The following C1orf87 variants were observed in gnomAD, a reference collection of about 807,000 sequenced individuals.
C1orf87 encodes chromosome 1 open reading frame 87, also known as uncharacterized protein C1orf87.
A neutral mutation model predicts 60.5 loss-of-function variants in C1orf87; 58 were observed. The ratio of observed to expected loss-of-function variants is 0.96; its 90% CI spans 0.78 to 1.19. The LOEUF (loss-of-function observed/expected upper bound fraction) is 1.19. Ranked by LOEUF, C1orf87 falls within the 50% of genes most tolerant of loss-of-function variation. C1orf87 has a pLI of 0.00. For synonymous variants in C1orf87, 236 were observed against 227.4 expected, an observed-to-expected ratio of 1.04 and a Z score of -0.34; for missense variants, 673 against 638.6, an observed-to-expected ratio of 1.05 and a Z score of -0.58.
Position 60,012,500 on chromosome 1 carries a change from G to A in C1orf87, c.1128-2044C>T, listed in dbSNP as rs1930743. On this transcript the variant is annotated intron_variant, in intron 8 of 11. Coordinates refer to ENST00000371201, the MANE Select transcript of C1orf87 (RefSeq NM_152377.3). Reference sequence around the variant, plus strand: ...TAACAAAATATTTCTTTTCTCCCACGTTCTTTACATTACCCCCAAGACCTT... The same window carrying A: ...TAACAAAATATTTCTTTTCTCCCACATTCTTTACATTACCCCCAAGACCTT... Among the ~76,000 whole-genome samples the A allele has an allele frequency of 6.2e-3, 948 of 152,024 alleles. 2 individuals are homozygous for A. Among genetic ancestry groups the A allele is most frequent in the African/African-American group, 0.02 (832 of 41,498 alleles).
chr1:60,011,631 A>G (rs1427828804), intron 8 of C1orf87, among the ~76,000 whole-genome samples: 3 of 152,040 alleles, frequency 2.0e-5, no homozygotes, highest in Non-Finnish European at 4.4e-5. Flanking sequence ...ATCTTTCTCC[A>G]TCTTGTCCAT....
intron 2 of C1orf87, among the ~76,000 whole-genome samples, chr1:60,068,213 C>T (rs975988425): frequency 1.4e-4 from 21 of 152,090 alleles, no homozygotes; most frequent in African/African-American, 5.1e-4. Flanking sequence ...GTCTGAATAC[C>T]CTTGACTCAT....
intron 2 of C1orf87, among the ~76,000 whole-genome samples, chr1:60,064,781 A>T (rs1645528263): frequency 1.1e-5 from 1 of 93,870 alleles, no homozygotes; most frequent in Non-Finnish European, 1.9e-5. Context: ...TTTAATATAT[A>T]AATATATATT....
intron 7 of C1orf87, among the ~76,000 whole-genome samples, chr1:60,027,326 C>T (rs1215268851): frequency 6.6e-6 from 1 of 152,168 alleles, no homozygotes; most frequent in Non-Finnish European, 1.5e-5. Context: ...ACAGAGCCTG[C>T]TGGTTATGCA....
chr1:60,002,851 G>C lies in C1orf87; in HGVS notation c.1193-1695C>G, dbSNP rs1204265392. On this transcript the variant is annotated intron_variant, in intron 9 of 11. Coordinates refer to ENST00000371201, the MANE Select transcript of C1orf87 (RefSeq NM_152377.3). Reference sequence around the variant, plus strand: ...TGCTGGAGAGGATGTGGAGAAATAGGAACACTTTTACACTGTTGGTGGGAC... The same window carrying C: ...TGCTGGAGAGGATGTGGAGAAATAGCAACACTTTTACACTGTTGGTGGGAC... 2.8e-3 allele frequency among the ~76,000 whole-genome samples: 411 copies of C among 149,426 alleles called. 1 individual carries two copies. The highest frequency in any genetic ancestry group is 9.6e-3 in the African/African-American group (392 of 40,758).
At chr1:60,046,987 A>G (rs776913927) in intron 3 of C1orf87, among the ~76,000 whole-genome samples, 2 of 152,218 alleles carry the variant, frequency 1.3e-5, no homozygotes, top group African/African-American at 2.4e-5. Context: ...ATATTTTCCT[A>G]TGGAAGCAAA....
intron 7 of C1orf87, among the ~76,000 whole-genome samples, chr1:60,027,173 G>T (rs770562482): frequency 3.9e-4 from 60 of 152,174 alleles, no homozygotes; most frequent in Non-Finnish European, 7.6e-4. Context: ...GCAGGGCTTT[G>T]TTGACCCTGG....
At chr1:60,001,182 G>T in intron 9 of C1orf87, 26 bp from the exon 10 acceptor site, 1 of 1,460,428 alleles carries the variant, frequency 6.8e-7, no homozygotes, top group Non-Finnish European at 9.3e-7. Context: ...AAAAAAAAAA[G>T]GAAGGGTTTA....
intron 9 of C1orf87, among the ~76,000 whole-genome samples, chr1:60,005,087 C>T (rs555853787): frequency 6.6e-6 from 1 of 152,154 alleles, no homozygotes; most frequent in East Asian, 1.9e-4. Flanking sequence ...CTTCTGGCTT[C>T]AGTGGGCCTA....
At chr1:60,008,662 G>C in intron 9 of C1orf87, 2 of 455,454 alleles carry the variant, frequency 4.4e-6, no homozygotes, top group South Asian at 3.1e-5. Context: ...CATCAGAAGA[G>C]CTACTGCTAT....
At chr1:60,063,051 G>A (rs1262826363) in intron 2 of C1orf87, among the ~76,000 whole-genome samples, 2 of 152,068 alleles carry the variant, frequency 1.3e-5, no homozygotes, top group East Asian at 1.9e-4. Context: ...GCAGTTTAAT[G>A]CAGTGGAAAG....
At chr1:60,030,275 G>A (rs150739517) in intron 7 of C1orf87, among the ~76,000 whole-genome samples, 2 of 152,294 alleles carry the variant, frequency 1.3e-5, no homozygotes, top group Non-Finnish European at 2.9e-5. Context: ...CATTGGAAGA[G>A]GAGAAACATT....
chr1:60,072,414 G>T, intron 2 of C1orf87, 123 bp downstream of exon 2: 1 of 656,344 alleles, frequency 1.5e-6, no homozygotes, highest in Non-Finnish European at 2.6e-6. Context: ...CTCTACTGTT[G>T]CATCTTAATG....
At chr1:60,009,757 T>A (rs1645070117) in intron 9 of C1orf87, among the ~76,000 whole-genome samples, 1 of 152,004 alleles carries the variant, frequency 6.6e-6, no homozygotes, top group South Asian at 2.1e-4. Context: ...AATGCATATT[T>A]TTTCACCTGT....
chr1:60,018,745 T>C (rs1008823038), intron 8 of C1orf87, among the ~76,000 whole-genome samples: 1 of 152,198 alleles, frequency 6.6e-6, no homozygotes, highest in African/African-American at 2.4e-5. Flanking sequence ...GACTCTCATG[T>C]CCAAAGCTGG....
rs1645531805 is a variant in C1orf87, at chr1:60,064,961, A to G, written c.107+7576T>C. Among the ~76,000 whole-genome samples, 5 of 83,768 alleles carry G rather than the reference A, an allele frequency of 6.0e-5. No homozygotes were observed. In the South Asian group the frequency reaches 1.7e-3, roughly 28 times the overall value. 55.0% of individuals were successfully genotyped at this position (83,768 alleles called of 152,430 possible). ...ATAAAATATATAATAAATATATAATATATAAATAAATAAATATTTATTATA... is the reference window on the plus strand; with the variant it reads ...ATAAAATATATAATAAATATATAATGTATAAATAAATAAATATTTATTATA... On this transcript the variant is annotated intron_variant, in intron 2 of 11. Coordinates refer to ENST00000371201, the MANE Select transcript of C1orf87 (RefSeq NM_152377.3).
At chr1:60,009,188 A>G (rs1417311763) in intron 9 of C1orf87, among the ~76,000 whole-genome samples, 1 of 152,096 alleles carries the variant, frequency 6.6e-6, no homozygotes. Context: ...TGTTGTCTTT[A>G]TAAGATAAAG....
At chr1:60,014,629 G>A (rs1645112831) in intron 8 of C1orf87, among the ~76,000 whole-genome samples, 1 of 152,072 alleles carries the variant, frequency 6.6e-6, no homozygotes, top group Non-Finnish European at 1.5e-5. Flanking sequence ...GGTAATTTCA[G>A]CTGGTATGCT....
intron 6 of C1orf87, among the ~76,000 whole-genome samples, 171 bp from the exon 7 acceptor site, chr1:60,033,812 C>T (rs1270399269): frequency 2.0e-5 from 3 of 152,188 alleles, no homozygotes; most frequent in Admixed American, 1.3e-4. Flanking sequence ...GCAGACATTT[C>T]ATAGCTTAAC....
Sources: gnomAD v4.1 joint callset for allele counts (sites outside exome capture counted in the v4.1 genomes callset) on GRCh38, gnomAD v4.1.1 for gene constraint, MANE v1.5 for transcripts, NCBI Gene and HGNC (gene_info 2026-07-23, HGNC 2026-07-21) for gene names.